The following EXOC4 variants were observed in gnomAD, a reference collection of about 807,000 sequenced individuals.
The protein encoded by EXOC4 is exocyst complex component 4.
A neutral mutation model predicts 107.2 loss-of-function variants in EXOC4; 71 were observed. The ratio of observed to expected loss-of-function variants is 0.66; its 90% CI spans 0.55 to 0.81. The LOEUF is 0.81. Among genes scored for constraint, EXOC4 ranks in the 30% least tolerant of loss-of-function variants. The probability of loss-of-function intolerance (pLI) is 0.00; values close to 1 mark genes in which losing one functional copy is unlikely to be tolerated. For missense variants in EXOC4, 1,108 were observed against 1,189.6 expected (o/e 0.93, Z 1.01); for synonymous variants, 456 against 441.2 (o/e 1.03, Z -0.42).
At chr7:133,814,788 T>C (rs1338331084) in intron 10 of EXOC4, among the ~76,000 whole-genome samples, 1 of 152,232 alleles carries the variant, frequency 6.6e-6, no homozygotes, top group Non-Finnish European at 1.5e-5. Context: ...AAATTTCTTC[T>C]AATGTTTAAT....
chr7:133,830,432 C>G (rs1005869646), intron 11 of EXOC4, among the ~76,000 whole-genome samples: 1 of 152,174 alleles, frequency 6.6e-6, no homozygotes, highest in South Asian at 2.1e-4. Context: ...CAAAATGTTG[C>G]TTTAGAGCCA....
At chr7:133,743,322 G>A (rs546459753) in intron 10 of EXOC4, among the ~76,000 whole-genome samples, 10 of 152,280 alleles carry the variant, frequency 6.6e-5, no homozygotes, top group Non-Finnish European at 1.5e-4. Context: ...CCTGGGTCGT[G>A]TTTGACTGAG....
At chr7:133,830,671 C>T (rs1797790225) in intron 11 of EXOC4, among the ~76,000 whole-genome samples, 2 of 152,252 alleles carry the variant, frequency 1.3e-5, no homozygotes, top group South Asian at 4.2e-4. Context: ...AAAGACAGTA[C>T]AAAGAGTTCC....
At chr7:133,782,571 G>A (rs1032745026) in intron 10 of EXOC4, among the ~76,000 whole-genome samples, 1 of 152,136 alleles carries the variant, frequency 6.6e-6, no homozygotes, top group African/African-American at 2.4e-5. Context: ...TTTCAAATAA[G>A]GGCAGAAAAA....
chr7:133,956,081 C>T (rs1054862698), intron 14 of EXOC4, among the ~76,000 whole-genome samples: 11 of 152,218 alleles, frequency 7.2e-5, no homozygotes, highest in Non-Finnish European at 1.3e-4. Flanking sequence ...GGCCTGGGTC[C>T]GCAGCTGCAA....
chr7:133,601,890 A>G (rs1449764312), intron 9 of EXOC4: 1 of 152,272 alleles, frequency 6.6e-6, no homozygotes, highest in Non-Finnish European at 1.5e-5. Context: ...CCAGCTTGGC[A>G]CTGAAAATGC....
intron 9 of EXOC4, among the ~76,000 whole-genome samples, chr7:133,629,724 A>G (rs1417692612): frequency 6.7e-6 from 1 of 149,714 alleles, no homozygotes; most frequent in Admixed American, 6.6e-5. Flanking sequence ...TTTTTTTTTA[A>G]TAGAGATGGG....
intron 7 of EXOC4, among the ~76,000 whole-genome samples, chr7:133,414,883 C>T (rs1428417030): frequency 1.3e-5 from 2 of 152,070 alleles, no homozygotes; most frequent in African/African-American, 4.8e-5. Context: ...ATTATCATTA[C>T]TCCACAAAGA....
Position 133,305,870 on chromosome 7 carries a change from T to G in EXOC4, c.472-7T>G. ...CTTAATTGTCTTTCATTTTTTTCTC[T>G]TTTCAGGTGTCAGCAGTTGAGTCTT... On this transcript the variant is annotated splice_polypyrimidine_tract_variant and splice_region_variant and intron_variant, in intron 3 of 17. Coordinates refer to ENST00000253861, the MANE Select transcript of EXOC4 (RefSeq NM_021807.4). 6.3e-7 allele frequency: 1 copy of G among 1,576,604 alleles called. No homozygotes were observed. Among genetic ancestry groups the G allele is most frequent in the Non-Finnish European group, 8.6e-7 (1 of 1,164,456 alleles).
At chr7:133,512,058 AG>A (rs1301433497) in intron 9 of EXOC4, among the ~76,000 whole-genome samples, 1 of 152,210 alleles carries the variant, frequency 6.6e-6, no homozygotes, top group African/African-American at 2.4e-5. Context: ...ACAGTCTAGC[AG>A]GGGAAATGTA....
intron 10 of EXOC4, among the ~76,000 whole-genome samples, chr7:133,787,095 T>C (rs79278246): frequency 0.016 from 2,505 of 152,234 alleles, 40 homozygotes; most frequent in Non-Finnish European, 0.025. Flanking sequence ...ACAACAATAA[T>C]GATAAGCAAT....
intron 9 of EXOC4, among the ~76,000 whole-genome samples, chr7:133,523,759 A>G (rs1203643046): frequency 6.6e-6 from 1 of 152,160 alleles, no homozygotes; most frequent in East Asian, 1.9e-4. Flanking sequence ...ATGTCCCTAC[A>G]AAGGACATGA....
chr7:133,971,359 T>TATATATATATAG (rs1801224302), intron 14 of EXOC4, among the ~76,000 whole-genome samples: 1 of 96,754 alleles, frequency 1.0e-5, no homozygotes, highest in Non-Finnish European at 2.0e-5. Context: ...TATATATATA[T>TATATATATATAG]ATAGAGAGAG....
At chr7:133,481,714 C>A (rs1799162529) in intron 9 of EXOC4, among the ~76,000 whole-genome samples, 1 of 152,124 alleles carries the variant, frequency 6.6e-6, no homozygotes, top group Non-Finnish European at 1.5e-5. Context: ...AGCCTACCAA[C>A]ATTTTATTTA....
intron 14 of EXOC4, among the ~76,000 whole-genome samples, chr7:133,970,448 G>A (rs1048090854): frequency 7.7e-4 from 17 of 21,936 alleles, no homozygotes; most frequent in Non-Finnish European, 1.1e-3. Context: ...GCCCAGTTTT[G>A]TGCTTGAAAC....
chr7:133,907,081 G>C (rs1320703137), intron 12 of EXOC4, among the ~76,000 whole-genome samples: 1 of 152,198 alleles, frequency 6.6e-6, no homozygotes, highest in Admixed American at 6.5e-5. Flanking sequence ...GAACGGCCAA[G>C]GGTGTATACC....
chr7:133,655,987 GA>G (rs1803283352), intron 10 of EXOC4, among the ~76,000 whole-genome samples: 1 of 152,102 alleles, frequency 6.6e-6, no homozygotes, highest in African/African-American at 2.4e-5. Context: ...CACAATACAT[GA>G]GTAATGCATT....
chr7:133,803,039 A>T (rs181738019), intron 10 of EXOC4, among the ~76,000 whole-genome samples: 43 of 152,328 alleles, frequency 2.8e-4, no homozygotes, highest in Non-Finnish European at 4.4e-4. Flanking sequence ...GGTAAATGCA[A>T]AACTAACTTT....
chr7:133,762,189 CTG>C (rs1796046562), intron 10 of EXOC4, among the ~76,000 whole-genome samples: 1 of 152,050 alleles, frequency 6.6e-6, no homozygotes, highest in African/African-American at 2.4e-5. Context: ...AATTCTATCA[CTG>C]TGAGTGATAC....
Sources: gnomAD v4.1 joint callset for allele counts (sites outside exome capture counted in the v4.1 genomes callset) on GRCh38, gnomAD v4.1.1 for gene constraint, MANE v1.5 for transcripts, NCBI Gene and HGNC (gene_info 2026-07-23, HGNC 2026-07-21) for gene names.